The following FUT8 variants were observed in gnomAD, a reference collection of about 807,000 sequenced individuals.
The protein encoded by FUT8 is fucosyltransferase 8, also known as alpha-(1,6)-fucosyltransferase.
FUT8 carries 29 observed loss-of-function variants against 71.3 expected under a neutral mutation model. That is an observed-to-expected ratio of 0.41 (90% CI 0.30 to 0.55). The LOEUF is 0.55. Among genes scored for constraint, FUT8 ranks in the 20% least tolerant of loss-of-function variants. The pLI is 0.34. For synonymous variants in FUT8, 254 were observed against 239.3 expected (o/e 1.06, Z -0.57); for missense variants, 544 against 702.1 (o/e 0.77, Z 2.55).
At chr14:65,649,401 C>T (rs1278651754) in intron 6 of FUT8, among the ~76,000 whole-genome samples, 1 of 152,078 alleles carries the variant, frequency 6.6e-6, no homozygotes, top group Non-Finnish European at 1.5e-5. Flanking sequence ...TTGTGAGTAT[C>T]AGGGATAGAA....
chr14:65,498,848 C>T (rs906148429), intron 2 of FUT8, among the ~76,000 whole-genome samples: 4 of 152,118 alleles, frequency 2.6e-5, no homozygotes, highest in African/African-American at 9.7e-5. Flanking sequence ...AGGTTGGAAG[C>T]AGTGGGATAC....
In FUT8 at chr14:65,435,874, A is replaced by G. The variant is rs1290223081; in HGVS notation, c.-325-19747A>G. On this transcript the variant is annotated intron_variant, in intron 1 of 10. Coordinates refer to ENST00000673929, the MANE Select transcript of FUT8 (RefSeq NM_001371533.1). ...TGGTTTTAGTTTGCATTTTCTTACA[A>G]TTGACTTTTGGTGTATTTTTATTTT... Among the ~76,000 whole-genome samples the G allele has an allele frequency of 5.9e-5, 8 of 135,708 alleles. No homozygotes were observed. The East Asian group carries it at 8.7e-4, about 15-fold the overall frequency. The allele number at this position is 135,708 out of a possible 152,430, so 89.0% of individuals were successfully genotyped here.
At chr14:65,363,073 T>C in the FUT8 span, among the ~76,000 whole-genome samples, 1 of 150,030 alleles carries the variant, frequency 6.7e-6, no homozygotes, top group Admixed American at 6.7e-5. Flanking sequence ...TACCTTAGCA[T>C]ATTGGATATT....
chr14:65,416,054 T>C (rs926253686), intron 1 of FUT8, among the ~76,000 whole-genome samples: 1 of 152,232 alleles, frequency 6.6e-6, no homozygotes, highest in Non-Finnish European at 1.5e-5. Flanking sequence ...GTAAATAGAA[T>C]CTCAATGCTG....
chr14:65,596,085 G>T (rs1033362030), intron 3 of FUT8, among the ~76,000 whole-genome samples: 2 of 152,174 alleles, frequency 1.3e-5, no homozygotes. Context: ...TGACAAACTG[G>T]TAATCTGGAT....
At chr14:65,399,274 G>A in the FUT8 span, among the ~76,000 whole-genome samples, 57 of 152,090 alleles carry the variant, frequency 3.7e-4, no homozygotes, top group African/African-American at 1.2e-3. Flanking sequence ...CCGCGATCGC[G>A]CCACTGCACT....
intron 2 of FUT8, among the ~76,000 whole-genome samples, chr14:65,519,488 G>T (rs1247167198): frequency 6.6e-6 from 1 of 152,212 alleles, no homozygotes; most frequent in East Asian, 1.9e-4. Context: ...CTAACAGGAG[G>T]TAAGTTTTTC....
intron 2 of FUT8, among the ~76,000 whole-genome samples, chr14:65,553,200 G>A (rs1313411435): frequency 2.0e-5 from 3 of 152,056 alleles, no homozygotes; most frequent in Non-Finnish European, 4.4e-5. Context: ...TTAAATAGTT[G>A]CATGTAGCTA....
intron 2 of FUT8, among the ~76,000 whole-genome samples, chr14:65,504,069 C>T (rs1594709091): frequency 6.6e-6 from 1 of 152,294 alleles, no homozygotes; most frequent in South Asian, 2.1e-4. Context: ...GTGGGACATG[C>T]TTTTTGTCCT....
chr14:65,393,457 C>G, the FUT8 span, among the ~76,000 whole-genome samples: 2 of 152,112 alleles, frequency 1.3e-5, no homozygotes, highest in Non-Finnish European at 2.9e-5. Context: ...TCGCCTCATG[C>G]CAGCTAGATT....
chr14:65,491,983 C>A (rs184928480), intron 2 of FUT8, among the ~76,000 whole-genome samples: 30 of 152,178 alleles, frequency 2.0e-4, no homozygotes, highest in African/African-American at 6.0e-4. Context: ...TTGTCACTTA[C>A]AGCCAGCCTG....
intron 3 of FUT8, among the ~76,000 whole-genome samples, chr14:65,597,370 T>C (rs989739330): frequency 7.2e-5 from 11 of 152,228 alleles, no homozygotes; most frequent in African/African-American, 2.7e-4. Flanking sequence ...GGCTCACGCC[T>C]GTAATCCCAG....
the FUT8 span, among the ~76,000 whole-genome samples, chr14:65,362,501 C>A: frequency 7.9e-5 from 12 of 151,872 alleles, no homozygotes; most frequent in Admixed American, 2.6e-4. Flanking sequence ...TATAGCAAGA[C>A]CCCCATCTCA....
chr14:65,412,838 C>A lies in FUT8; in HGVS notation c.-702C>A, dbSNP rs117509929. 5,722 of 167,302 alleles carry A rather than the reference C, an allele frequency of 0.034. 162 individuals carry two copies. The highest frequency in any genetic ancestry group is 0.066 in the Admixed American group (1,019 of 15,502). The allele number at this position is 167,302 out of a possible 1,614,324, so 10.4% of individuals were successfully genotyped here. ...CTCCGGCCGACCCGAGCAGCCGGTT[C>A]CCTCCTCTCCAGGCCCCCTCCCCAT... On this transcript the variant is annotated 5_prime_UTR_variant, in exon 1 of 11. Transcript: ENST00000673929.
At chr14:65,406,732 T>C (rs1275243021), upstream of FUT8, among the ~76,000 whole-genome samples, 1 of 152,156 alleles carries the variant, frequency 6.6e-6, no homozygotes, top group Admixed American at 6.5e-5. Flanking sequence ...GAGACAGAGT[T>C]TCACCATGTT....
At chr14:65,397,097 A>G in the FUT8 span, among the ~76,000 whole-genome samples, 5 of 152,300 alleles carry the variant, frequency 3.3e-5, no homozygotes, top group East Asian at 3.9e-4. This position sits in a 1 kb window ranked among gnomAD's most constrained non-coding sequence, Gnocchi z 4.2. Flanking sequence ...GGCCACCTCT[A>G]TCTTATAGTG....
intron 2 of FUT8, among the ~76,000 whole-genome samples, chr14:65,558,678 C>T (rs1465149458): frequency 6.6e-6 from 1 of 152,128 alleles, no homozygotes; most frequent in East Asian, 1.9e-4. Flanking sequence ...AGTAAGCAAG[C>T]ATTCATTGTA....
At position 65,487,277 on chromosome 14, in the gene FUT8, GT is replaced by G. The variant is rs542243572; in HGVS notation, c.-228+31561del. On this transcript the variant is annotated intron_variant, in intron 2 of 10. Coordinates refer to ENST00000673929, the MANE Select transcript of FUT8 (RefSeq NM_001371533.1). ...GGGCAATTTGAATTTTATTAAGAAT[GT>G]TGGGGCTGGGCATGGTGGCTCACGC... 1.8e-4 allele frequency among the ~76,000 whole-genome samples: 28 copies of G among 152,168 alleles called. 1 individual carries two copies. In the South Asian group the frequency reaches 5.8e-3, roughly 32 times the overall value.
chr14:65,582,087 C>T (rs933201628), intron 3 of FUT8, among the ~76,000 whole-genome samples: 1 of 152,116 alleles, frequency 6.6e-6, no homozygotes, highest in Non-Finnish European at 1.5e-5. Flanking sequence ...CTTGAATATA[C>T]TCTGCAGCAT....
Sources: allele counts gnomAD v4.1 joint callset (sites outside exome capture counted in the v4.1 genomes callset), GRCh38; gene constraint gnomAD v4.1.1; non-coding constraint Gnocchi (gnomAD v3.1); transcripts MANE v1.5; gene names NCBI Gene and HGNC (gene_info 2026-07-23, HGNC 2026-07-21).